Variants in GMFG observed in about 807,000 individuals in gnomAD.
GMFG encodes the protein glia maturation factor gamma.
A neutral mutation model predicts 26.1 loss-of-function variants in GMFG; 21 were observed. The ratio of observed to expected loss-of-function variants is 0.80; its 90% CI spans 0.57 to 1.16. GMFG has a LOEUF of 1.16. Ranked by LOEUF, GMFG falls within the 50% of genes most tolerant of loss-of-function variation. The pLI, the probability that GMFG is intolerant of heterozygous loss-of-function variation, is 0.00. For synonymous variants in GMFG, 65 were observed against 60.8 expected, an observed-to-expected ratio of 1.07 and a Z score of -0.32; for missense variants, 161 against 178.3, an observed-to-expected ratio of 0.90 and a Z score of 0.55.
At chr19:39,330,580 C>A (rs2075222310) in intron 4 of GMFG, among the ~76,000 whole-genome samples, 1 of 151,206 alleles carries the variant, frequency 6.6e-6, no homozygotes, top group Admixed American at 6.6e-5. Context: ...AGGTGCACAC[C>A]ACCATGCCCA....
chr19:39,333,136 G>A lies in GMFG; in HGVS notation c.151-10C>T. ...CCTCTGGGGAAATGTTCTGAGGCAA[G>A]AAAACAGAAGAAAAGACAAAGAATG... On this transcript the variant is annotated splice_polypyrimidine_tract_variant and intron_variant, in intron 3 of 6. Transcript: ENST00000597595. The A allele has an allele frequency of 1.9e-6, 3 of 1,538,546 alleles. No individual in the cohort carries two copies. Among genetic ancestry groups the A allele is most frequent in the Non-Finnish European group, 2.7e-6 (3 of 1,129,552 alleles).
rs1386767223 is a variant in GMFG at position 39,335,979 on chromosome 19, T to G, written c.-3A>C. 6.2e-7 allele frequency: 1 copy of G among 1,601,120 alleles called. No homozygotes were observed. ...TAGAACCCCTGGCCCCTGACCATGA[T>G]TGTTCTGTCCACAGGCCTCTTCTTT... On this transcript the variant is annotated 5_prime_UTR_variant, in exon 1 of 7. Transcript: ENST00000597595.
chr19:39,329,596 A>C lies in GMFG; in HGVS notation c.231T>G (p.His77Gln), dbSNP rs1300544495. The C allele has an allele frequency of 6.2e-7, 1 of 1,611,606 alleles. No homozygotes were observed. Among genetic ancestry groups the C allele is most frequent in the Non-Finnish European group, 8.5e-7 (1 of 1,177,724 alleles). The change falls in exon 5 of 7, where the codon CAT becomes CAG. Residue 77 changes from histidine (H) to glutamine (Q), a missense_variant. His to Gln is a conservative substitution (Grantham distance 24, BLOSUM62 0). Transcript: ENST00000597595. Reference sequence around the variant, plus strand: ...AAGGGTAGGACACTCGGCCATCGTCATGCACGTACTTGTAGCTGTAAACCA... The same window carrying C: ...AAGGGTAGGACACTCGGCCATCGTCCTGCACGTACTTGTAGCTGTAAACCA... Reference protein sequence around the residue: ...RFVVYSYKYVHDDGRVSYPLC... With the variant: ...RFVVYSYKYVQDDGRVSYPLC...
chr19:39,335,372 A>T, intron 2 of GMFG, 62 bp from the exon 3 acceptor site: 2 of 1,590,466 alleles, frequency 1.3e-6, no homozygotes, highest in Admixed American at 1.7e-5. Context: ...ACACAAGCCC[A>T]GCCCTCCCTA....
Sources: gnomAD v4.1 joint callset for allele counts (sites outside exome capture counted in the v4.1 genomes callset) on GRCh38, gnomAD v4.1.1 for gene constraint, MANE v1.5 for transcripts, NCBI Gene and HGNC (gene_info 2026-07-23, HGNC 2026-07-21) for gene names.